Variants in NARF observed in about 807,000 individuals in gnomAD.
The protein encoded by NARF is iron-only hydrogenase-like protein 2.
In NARF, 41 loss-of-function variants were observed where a neutral mutation model predicts 48.0. The observed-to-expected ratio is 0.85, with a 90% CI of 0.66 to 1.11. The LOEUF (loss-of-function observed/expected upper bound fraction) is 1.11, where lower values mean the gene tolerates loss of function less well. Among genes scored for constraint, NARF ranks in the 50% least tolerant of loss-of-function variants. The probability of loss-of-function intolerance (pLI) is 0.00; values close to 1 mark genes in which losing one functional copy is unlikely to be tolerated. For missense variants in NARF, 613 were observed against 590.2 expected (o/e 1.04, Z -0.40); for synonymous variants, 215 against 225.5 (o/e 0.95, Z 0.42).
intron 8 of NARF, 49 bp downstream of exon 8, chr17:82,483,828 C>G (rs542685978): frequency 6.4e-7 from 1 of 1,561,856 alleles, no homozygotes; most frequent in Non-Finnish European, 8.8e-7. Context: ...GACCTCTCGT[C>G]AGCCCTGCCA....
intron 2 of NARF, 184 bp from the exon 3 acceptor site, chr17:82,464,103 T>C (rs1341891135): frequency 1.3e-5 from 9 of 669,264 alleles, no homozygotes; most frequent in Non-Finnish European, 2.2e-5. Context: ...CCTGTGTCCC[T>C]TCACCACCTT....
intron 2 of NARF, chr17:82,462,504 T>A (rs1254752442): frequency 6.6e-6 from 1 of 152,426 alleles, no homozygotes; most frequent in Non-Finnish European, 1.5e-5. Context: ...GTGGTGGGCC[T>A]GGGCAAGTCT....
chr17:82,483,536 TTTA>T lies in NARF; in HGVS notation c.770-176_770-174del, dbSNP rs1407590267. ...AGTTAGAATTGAATTCTGCTTACGTTTTATTAGTGTTTCATTTTATTGGCCTCA... is the reference window on the plus strand; with the variant it reads ...AGTTAGAATTGAATTCTGCTTACGTTTTAGTGTTTCATTTTATTGGCCTCA... On this transcript the variant is annotated intron_variant, in intron 7 of 10. Transcript: ENST00000309794. 1.2e-5 allele frequency: 7 copies of T among 577,446 alleles called. No individual in the cohort carries two copies. The African/African-American group carries it at 1.3e-4, about 11-fold the overall frequency. 35.8% of individuals were successfully genotyped at this position (577,446 alleles called of 1,614,324 possible).
At chr17:82,460,915 A>ATTTTTTTTTTTTTTTTTTTTTTTTTTTT (rs137987200) in intron 2 of NARF, 1 of 149,624 alleles carries the variant, frequency 6.7e-6, no homozygotes, top group African/African-American at 2.5e-5. Context: ...TCTTCTTTTA[A>ATTTTTTTTTTTTTTTTTTTTTTTTTTTT]TTTTTTTTTT....
At chr17:82,469,138 C>A (rs1345405849) in intron 4 of NARF, among the ~76,000 whole-genome samples, 1 of 152,190 alleles carries the variant, frequency 6.6e-6, no homozygotes. Context: ...TGGGAGCTGA[C>A]CCCTCTGGGA....
At chr17:82,470,789 C>T (rs917680406) in intron 4 of NARF, among the ~76,000 whole-genome samples, 1 of 152,092 alleles carries the variant, frequency 6.6e-6, no homozygotes, top group African/African-American at 2.4e-5. Context: ...CCACCGTGCC[C>T]AGCCTAATAT....
intron 5 of NARF, 143 bp downstream of exon 5, chr17:82,472,841 C>G: frequency 4.8e-6 from 5 of 1,039,010 alleles, no homozygotes; most frequent in Non-Finnish European, 5.2e-6. Flanking sequence ...TGGCCTGATT[C>G]ACAGAGGGTG....
rs528595100 is a variant in NARF at position 82,482,992 on chromosome 17, G to A, written c.770-724G>A. Among the ~76,000 whole-genome samples the A allele has an allele frequency of 3.3e-3, 500 of 151,158 alleles. 2 individuals carry two copies. Among genetic ancestry groups the A allele is most frequent in the African/African-American group, 0.011 (472 of 41,196 alleles). On this transcript the variant is annotated intron_variant, in intron 7 of 10. Transcript: ENST00000309794. ...GTGTTTTTAGTAGAGAGGGGGTTTC[G>A]CCATGTTGGCTAGACTGGCGACCTT...
intron 6 of NARF, chr17:82,480,433 C>T (rs564685174): frequency 5.0e-6 from 2 of 402,194 alleles, no homozygotes; most frequent in East Asian, 3.6e-5. Flanking sequence ...GCTCAGCCTT[C>T]CCGGTTCTTC....
chr17:82,480,943 AAAAAAAG>A (rs2043949047), intron 6 of NARF, 132 bp from the exon 7 acceptor site: 21 of 1,113,326 alleles, frequency 1.9e-5, no homozygotes, highest in Admixed American at 1.8e-4. Context: ...AAAAAAAAAA[AAAAAAAG>A]AGTGCAGCAT....
intron 4 of NARF, among the ~76,000 whole-genome samples, chr17:82,469,234 C>T (rs758789188): frequency 6.6e-6 from 1 of 152,190 alleles, no homozygotes; most frequent in Admixed American, 6.5e-5. Context: ...CACCCCTTAC[C>T]CCCAGAGGGT....
At chr17:82,481,346 C>A in intron 7 of NARF, 135 bp downstream of exon 7, 1 of 1,344,266 alleles carries the variant, frequency 7.4e-7, no homozygotes. Context: ...AAGTTACTGA[C>A]AGCTGAGGGT....
At chr17:82,480,734 C>G (rs920348325) in intron 6 of NARF, 1 of 449,056 alleles carries the variant, frequency 2.2e-6, no homozygotes, top group African/African-American at 2.0e-5. Flanking sequence ...GAGTTTGAGA[C>G]CAGCCTGGGC....
intron 7 of NARF, among the ~76,000 whole-genome samples, chr17:82,482,936 A>T (rs2044006669): frequency 6.6e-6 from 1 of 151,780 alleles, no homozygotes; most frequent in South Asian, 2.1e-4. Context: ...CTGGGATTAC[A>T]GGTGCGCCCC....
chr17:82,471,791 C>CA lies in NARF; in HGVS notation c.386-757dup, dbSNP rs58302009. On this transcript the variant is annotated intron_variant, in intron 4 of 10. Transcript: ENST00000309794. ...TGCGCGAAAGAGTGAGACTCCGTCT[C>CA]AAAAAAAAAAAAAAAAGTATGCCCA... is the stretch of plus-strand genomic sequence containing the variant. Among the ~76,000 whole-genome samples, 132 of 64,528 alleles carry CA rather than the reference C, an allele frequency of 2.0e-3. 6 individuals carry two copies. The highest frequency in any genetic ancestry group is 2.2e-3 in the Non-Finnish European group (73 of 33,576). The allele number at this position is 64,528 out of a possible 152,430, so 42.3% of individuals were successfully genotyped here.
Position 82,488,290 on chromosome 17 carries a change from G to A in NARF, c.*133G>A, listed in dbSNP as rs746368035. The A allele has an allele frequency of 1.1e-4, 148 of 1,373,026 alleles. No individual in the cohort carries two copies. Among genetic ancestry groups the A allele is most frequent in the Non-Finnish European group, 1.3e-4 (135 of 1,037,438 alleles). 85.1% of individuals were successfully genotyped at this position (1,373,026 alleles called of 1,614,324 possible). On this transcript the variant is annotated 3_prime_UTR_variant, in exon 11 of 11. Coordinates refer to ENST00000309794, the MANE Select transcript of NARF (RefSeq NM_012336.4). ...CAATGGATTACTTTGGTTTCTCCGA[G>A]TTCCCTGCTACCCCGTTTATTGGAG...
At chr17:82,464,955 C>T (rs539135764) in intron 3 of NARF, among the ~76,000 whole-genome samples, 2 of 152,286 alleles carry the variant, frequency 1.3e-5, no homozygotes, top group Admixed American at 6.5e-5. Flanking sequence ...TGTATTAGTC[C>T]ATTCTCACAT....
rs147642803 is a variant in NARF at position 82,468,206 on chromosome 17, G to A, written c.253-558G>A. On this transcript the variant is annotated intron_variant, in intron 3 of 10. Coordinates refer to ENST00000309794, the MANE Select transcript of NARF (RefSeq NM_012336.4). Reference sequence around the variant, plus strand: ...GGTCCCTATAATCCCAGCTACTTGGGAGGCTGAGGCAGGAGAACCACTTGA... The same window carrying A: ...GGTCCCTATAATCCCAGCTACTTGGAAGGCTGAGGCAGGAGAACCACTTGA... 6.7e-3 allele frequency among the ~76,000 whole-genome samples: 1,022 copies of A among 152,254 alleles called. 14 individuals are homozygous for A. The highest frequency in any genetic ancestry group is 0.023 in the African/African-American group (954 of 41,548).
At chr17:82,467,040 C>T (rs957418666) in intron 3 of NARF, among the ~76,000 whole-genome samples, 1 of 150,336 alleles carries the variant, frequency 6.7e-6, no homozygotes, top group Non-Finnish European at 1.5e-5. Flanking sequence ...CCTTGTACTG[C>T]GTGTCTATTT....
Sources: gnomAD v4.1 joint callset for allele counts (sites outside exome capture counted in the v4.1 genomes callset) on GRCh38, gnomAD v4.1.1 for gene constraint, MANE v1.5 for transcripts, NCBI Gene and HGNC (gene_info 2026-07-23, HGNC 2026-07-21) for gene names.